SLC49A4: variants seen among roughly 807,000 people sequenced by gnomAD.
SLC49A4 encodes solute carrier family 49 member 4.
SLC49A4 carries 36 observed loss-of-function variants against 50.6 expected under a neutral mutation model. That is an observed-to-expected ratio of 0.71 (90% CI 0.55 to 0.94). SLC49A4 has a LOEUF of 0.94. Ranked by LOEUF, SLC49A4 falls within the 40% of genes least tolerant of loss-of-function variation. The pLI is 0.00. For missense variants in SLC49A4, 503 were observed against 605.7 expected, an observed-to-expected ratio of 0.83 and a Z score of 1.78; for synonymous variants, 248 against 241.2, an observed-to-expected ratio of 1.03 and a Z score of -0.26.
At position 122,856,388 on chromosome 3, in the gene SLC49A4, G is replaced by C. The variant is rs1005696578; in HGVS notation, c.1010+14G>C. 16 of 1,612,980 alleles carry C rather than the reference G, an allele frequency of 9.9e-6. No individual in the cohort carries two copies. The highest frequency in any genetic ancestry group is 3.3e-4 in the Middle Eastern group (2 of 6,084). ...AGCTATGGCAAGGTGAGAATATTTT[G>C]TTAAACTTGTGAGTGGACAGAGCAG... On this transcript the variant is annotated intron_variant, in intron 6 of 8. Transcript: ENST00000261038.
chr3:122,835,698 A>T lies in SLC49A4; in HGVS notation c.833+2252A>T, dbSNP rs549401592. Reference sequence around the variant, plus strand: ...TATTTCCCCTGAGAACTGGAACAAGACAAGGATGCCCACATTCACCACTTC... The same window carrying T: ...TATTTCCCCTGAGAACTGGAACAAGTCAAGGATGCCCACATTCACCACTTC... On this transcript the variant is annotated intron_variant, in intron 4 of 8. Coordinates refer to ENST00000261038, the MANE Select transcript of SLC49A4 (RefSeq NM_032839.3). Among the ~76,000 whole-genome samples, 13 of 152,276 alleles carry T rather than the reference A, an allele frequency of 8.5e-5. No homozygotes were observed. The East Asian group carries it at 1.5e-3, about 18-fold the overall frequency.
intron 3 of SLC49A4, among the ~76,000 whole-genome samples, chr3:122,827,434 G>A (rs1367784): frequency 0.99 from 150,780 of 152,370 alleles, 74,634 homozygotes; most frequent in Middle Eastern, 1. Context: ...CTGTTGGTAG[G>A]TGTTAAGCCC....
chr3:122,863,796 AT>A (rs933477620), intron 7 of SLC49A4, among the ~76,000 whole-genome samples: 1 of 152,174 alleles, frequency 6.6e-6, no homozygotes, highest in African/African-American at 2.4e-5. Context: ...CCTGAAACGT[AT>A]TTGTAAATAT....
intron 4 of SLC49A4, among the ~76,000 whole-genome samples, chr3:122,835,542 A>T (rs2107569136): frequency 6.6e-6 from 1 of 152,192 alleles, no homozygotes; most frequent in African/African-American, 2.4e-5. Flanking sequence ...CAGAAAAGGC[A>T]TTCAGTAGCA....
At chr3:122,806,012 A>T (rs1008549813) in intron 1 of SLC49A4, among the ~76,000 whole-genome samples, 2 of 152,234 alleles carry the variant, frequency 1.3e-5, no homozygotes, top group African/African-American at 4.8e-5. Flanking sequence ...ATAATCAGAG[A>T]GTTCTAAAGG....
At chr3:122,867,958 A>G (rs1203009188) in intron 7 of SLC49A4, among the ~76,000 whole-genome samples, 2 of 152,022 alleles carry the variant, frequency 1.3e-5, no homozygotes, top group Non-Finnish European at 2.9e-5. Context: ...TAGTAAGAAT[A>G]CAAAAAATTA....
At chr3:122,817,033 G>A (rs1374562368) in intron 2 of SLC49A4, among the ~76,000 whole-genome samples, 1 of 152,172 alleles carries the variant, frequency 6.6e-6, no homozygotes, top group South Asian at 2.1e-4. Context: ...ACCTATTTGG[G>A]AGGAAAAGAC....
chr3:122,869,193 T>C (rs1006229901), intron 7 of SLC49A4, among the ~76,000 whole-genome samples: 10 of 151,648 alleles, frequency 6.6e-5, no homozygotes, highest in Non-Finnish European at 1.3e-4. Flanking sequence ...AGAAAAAGAG[T>C]ATAGAGTGAA....
intron 2 of SLC49A4, among the ~76,000 whole-genome samples, chr3:122,821,667 C>T (rs1032186655): frequency 6.6e-6 from 1 of 152,134 alleles, no homozygotes; most frequent in African/African-American, 2.4e-5. Flanking sequence ...AGCTTATTGC[C>T]CAGAAGACAA....
chr3:122,864,728 G>A (rs190695555), intron 7 of SLC49A4, among the ~76,000 whole-genome samples: 1 of 152,282 alleles, frequency 6.6e-6, no homozygotes, highest in Admixed American at 6.5e-5. Context: ...TGAAAGGCAT[G>A]CAACAGCTGG....
chr3:122,826,969 CTTG>C lies in SLC49A4; in HGVS notation c.613_615del (p.Val205del), dbSNP rs752172588. 7 of 1,614,080 alleles carry C rather than the reference CTTG, an allele frequency of 4.3e-6. No homozygotes were observed. The highest frequency in any genetic ancestry group is 2.7e-5 in the African/African-American group (2 of 74,934). On this transcript the variant is annotated inframe_deletion, in exon 3 of 9. Transcript: ENST00000261038. ...AGCATGTGCATTTTTAGTTGGACCACTTGTTGTTCCAGCTCCCAATGGGACATC... is the reference window on the plus strand; with the variant it reads ...AGCATGTGCATTTTTAGTTGGACCACTTGTTCCAGCTCCCAATGGGACATC...
chr3:122,808,967 T>G (rs1483609053), intron 2 of SLC49A4, among the ~76,000 whole-genome samples: 1 of 152,012 alleles, frequency 6.6e-6, no homozygotes, highest in Non-Finnish European at 1.5e-5. Flanking sequence ...ATGGAAAGGA[T>G]GGCACAGACA....
chr3:122,811,821 G>A (rs1012439496), intron 2 of SLC49A4, among the ~76,000 whole-genome samples: 2 of 152,132 alleles, frequency 1.3e-5, no homozygotes, highest in Non-Finnish European at 2.9e-5. Context: ...TGTTTAGTAT[G>A]TTCTTACTTG....
chr3:122,799,517 G>A (rs1269450275), intron 1 of SLC49A4, among the ~76,000 whole-genome samples: 2 of 152,212 alleles, frequency 1.3e-5, no homozygotes, highest in African/African-American at 2.4e-5. Flanking sequence ...AATGAGGTCA[G>A]AGAGGTGGTG....
intron 3 of SLC49A4, among the ~76,000 whole-genome samples, chr3:122,827,317 T>A (rs1936544243): frequency 6.6e-6 from 1 of 152,258 alleles, no homozygotes; most frequent in African/African-American, 2.4e-5. Context: ...AGTCTTTTCA[T>A]CTATTTACGG....
At chr3:122,853,322 G>T (rs1165678353) in intron 5 of SLC49A4, among the ~76,000 whole-genome samples, 1 of 152,176 alleles carries the variant, frequency 6.6e-6, no homozygotes. Flanking sequence ...GTGAATTTGT[G>T]GGGGACACCA....
chr3:122,795,931 G>C (rs1280932588), intron 1 of SLC49A4, among the ~76,000 whole-genome samples: 1 of 152,222 alleles, frequency 6.6e-6, no homozygotes, highest in Non-Finnish European at 1.5e-5. Flanking sequence ...TCGGAAAATA[G>C]ATTGACGGTG....
intron 2 of SLC49A4, among the ~76,000 whole-genome samples, chr3:122,820,393 G>T (rs1422558974): frequency 6.6e-6 from 1 of 152,140 alleles, no homozygotes; most frequent in Non-Finnish European, 1.5e-5. Context: ...TTCTGGAAGG[G>T]GTTGGGTTAT....
At chr3:122,826,302 G>A (rs1432439616) in intron 2 of SLC49A4, among the ~76,000 whole-genome samples, 2 of 152,172 alleles carry the variant, frequency 1.3e-5, no homozygotes, top group Non-Finnish European at 2.9e-5. Context: ...CTATAAGGCT[G>A]GTGGCACTTA....
Sources: allele counts gnomAD v4.1 joint callset (sites outside exome capture counted in the v4.1 genomes callset), GRCh38; gene constraint gnomAD v4.1.1; transcripts MANE v1.5; gene names NCBI Gene and HGNC (gene_info 2026-07-23, HGNC 2026-07-21).